Variants in DGKB observed in about 807,000 individuals in gnomAD.
The protein encoded by DGKB is 90 kDa diacylglycerol kinase.
Under a neutral mutation model 114.3 loss-of-function variants are expected in DGKB, and 67 were observed. The ratio of observed to expected loss-of-function variants is 0.59; its 90% CI spans 0.48 to 0.72. DGKB has a LOEUF of 0.72. Ranked by LOEUF, DGKB falls within the 30% of genes least tolerant of loss-of-function variation. The pLI is 0.00. For synonymous variants in DGKB, 398 were observed against 323.1 expected (o/e 1.23, Z -2.49); for missense variants, 907 against 975.2 (o/e 0.93, Z 0.93).
At chr7:14,915,994 T>C (rs1474206794) in intron 1 of DGKB, among the ~76,000 whole-genome samples, 1 of 152,120 alleles carries the variant, frequency 6.6e-6, no homozygotes, top group Non-Finnish European at 1.5e-5. Context: ...ATAAGAATAA[T>C]GTATGGAGTG....
chr7:14,557,539 T>C (rs1796049618), intron 20 of DGKB, among the ~76,000 whole-genome samples: 1 of 152,132 alleles, frequency 6.6e-6, no homozygotes. Context: ...TGTAGCTTTT[T>C]CCTAGTTCTT....
intron 21 of DGKB, among the ~76,000 whole-genome samples, chr7:14,377,440 T>G (rs1012923111): frequency 1.4e-4 from 22 of 152,208 alleles, no homozygotes; most frequent in Non-Finnish European, 2.6e-4. Context: ...GTAGTCTTGT[T>G]AAACTTTTTT....
rs75006291 is a variant in DGKB, at chr7:14,845,728, G to T, written c.-187-4278C>A. Among the ~76,000 whole-genome samples the T allele has an allele frequency of 3.9e-4, 60 of 152,096 alleles. No homozygotes were observed. The East Asian group carries it at 0.011, about 28-fold the overall frequency. ...TTAATTAGAAGGAGGCCCTGAGGTTGAGAAAGAGAAAATAGTGCATAAAGG... is the reference window on the plus strand; with the variant it reads ...TTAATTAGAAGGAGGCCCTGAGGTTTAGAAAGAGAAAATAGTGCATAAAGG... On this transcript the variant is annotated intron_variant, in intron 1 of 25. Coordinates refer to ENST00000402815, the MANE Select transcript of DGKB (RefSeq NM_001350709.2).
intron 21 of DGKB, among the ~76,000 whole-genome samples, chr7:14,450,883 G>A (rs1232351108): frequency 1.3e-5 from 2 of 151,998 alleles, no homozygotes; most frequent in African/African-American, 2.4e-5. Flanking sequence ...GAATGAACTA[G>A]GAGGAAACAG....
chr7:14,289,212 A>G (rs1424128929), intron 23 of DGKB, among the ~76,000 whole-genome samples: 1 of 150,594 alleles, frequency 6.6e-6, no homozygotes, highest in East Asian at 1.9e-4. Context: ...TGCATTGGTG[A>G]CTCGTGCTTG....
intron 9 of DGKB, among the ~76,000 whole-genome samples, chr7:14,692,908 C>A (rs1024333729): frequency 1.3e-5 from 2 of 152,078 alleles, no homozygotes; most frequent in African/African-American, 4.8e-5. Context: ...TAAACTTATA[C>A]ATATTCCTTA....
In DGKB at chr7:14,192,831, C is replaced by T. The variant is rs184404388; in HGVS notation, c.2123-14680G>A. 2.0e-5 allele frequency among the ~76,000 whole-genome samples: 3 copies of T among 152,106 alleles called. No homozygotes were observed. In the East Asian group the frequency reaches 5.8e-4, roughly 29 times the overall value. ...CTATAATGTTGAGTCAGTGGGACCC[C>T]TAAGCTTGTTTTCCTGCAACTAGAT... On this transcript the variant is annotated intron_variant, in intron 23 of 25. Transcript: ENST00000402815.
chr7:14,294,402 T>C (rs1802213996), intron 23 of DGKB, among the ~76,000 whole-genome samples: 1 of 152,134 alleles, frequency 6.6e-6, no homozygotes, highest in Non-Finnish European at 1.5e-5. Flanking sequence ...GAGTCAAAGA[T>C]GACTATCCAC....
intron 23 of DGKB, among the ~76,000 whole-genome samples, chr7:14,313,975 CT>C (rs1423786829): frequency 5.9e-5 from 9 of 152,216 alleles, no homozygotes; most frequent in South Asian, 2.1e-4. Flanking sequence ...TCCCTCACCC[CT>C]GACCCCCGAG....
At chr7:14,847,268 G>A (rs1233606083) in intron 1 of DGKB, among the ~76,000 whole-genome samples, 1 of 145,980 alleles carries the variant, frequency 6.9e-6, no homozygotes, top group Non-Finnish European at 1.5e-5. Context: ...TCCAGCCTGG[G>A]CGACAGAGCG....
At chr7:14,931,322 G>C (rs1475461594) in intron 1 of DGKB, among the ~76,000 whole-genome samples, 3 of 152,144 alleles carry the variant, frequency 2.0e-5, no homozygotes, top group Admixed American at 2.0e-4. Flanking sequence ...ATGTTGGCCA[G>C]GCTGGTCTCA....
At chr7:14,821,825 C>CAAGAAGG (rs1227762929) in intron 2 of DGKB, among the ~76,000 whole-genome samples, 1 of 152,064 alleles carries the variant, frequency 6.6e-6, no homozygotes, top group Non-Finnish European at 1.5e-5. Context: ...GGCAAGAAGA[C>CAAGAAGG]CAAGAAGGAG....
At chr7:14,209,942 T>A (rs1203010927) in intron 23 of DGKB, among the ~76,000 whole-genome samples, 2 of 151,882 alleles carry the variant, frequency 1.3e-5, no homozygotes, top group South Asian at 2.1e-4. Context: ...ATGAAAGAAA[T>A]CTGGTTGAAT....
rs549453076 is a variant in DGKB, at chr7:14,215,581, T to C, written c.2123-37430A>G. Among the ~76,000 whole-genome samples, 13 of 152,288 alleles carry C rather than the reference T, an allele frequency of 8.5e-5. No individual in the cohort carries two copies. In the South Asian group the frequency reaches 2.5e-3, roughly 29 times the overall value. On this transcript the variant is annotated intron_variant, in intron 23 of 25. Coordinates refer to ENST00000402815, the MANE Select transcript of DGKB (RefSeq NM_001350709.2). ...AAATGTTTTACACGTTTTATCTCAT[T>C]CAATCTTCAATTACTCTCATAAGGT...
At chr7:14,209,202 C>A in intron 23 of DGKB, 1 of 264,664 alleles carries the variant, frequency 3.8e-6, no homozygotes, top group Non-Finnish European at 7.3e-6. Context: ...ATTTAAAAAA[C>A]CATCACCATT....
At chr7:14,599,675 G>C (rs1246781800) in intron 17 of DGKB, among the ~76,000 whole-genome samples, 2 of 152,124 alleles carry the variant, frequency 1.3e-5, no homozygotes, top group Non-Finnish European at 2.9e-5. Context: ...TAAAATATAA[G>C]GCTGTGAGGG....
intron 2 of DGKB, among the ~76,000 whole-genome samples, chr7:14,791,840 T>A (rs544676807): frequency 5.0e-4 from 76 of 152,316 alleles, no homozygotes; most frequent in Middle Eastern, 3.4e-3. Context: ...TATTACATCT[T>A]TCAAAATCCT....
chr7:14,166,353 T>C (rs1350965790), intron 25 of DGKB, among the ~76,000 whole-genome samples: 1 of 152,168 alleles, frequency 6.6e-6, no homozygotes, highest in African/African-American at 2.4e-5. Context: ...TTTTCTCAAA[T>C]TGGGTATGTT....
chr7:14,835,408 A>T (rs1207747898), intron 2 of DGKB, among the ~76,000 whole-genome samples: 1 of 152,224 alleles, frequency 6.6e-6, no homozygotes, highest in Non-Finnish European at 1.5e-5. Flanking sequence ...GAGGAAACTG[A>T]AGTATACATC....
Sources: gnomAD v4.1 joint callset for allele counts (sites outside exome capture counted in the v4.1 genomes callset) on GRCh38, gnomAD v4.1.1 for gene constraint, MANE v1.5 for transcripts, NCBI Gene and HGNC (gene_info 2026-07-23, HGNC 2026-07-21) for gene names.